MYT1L: variants seen among roughly 807,000 people sequenced by gnomAD.
MYT1L encodes the protein myelin transcription factor 1 like, also known as myelin transcription factor 1-like protein.
A neutral mutation model predicts 126.7 loss-of-function variants in MYT1L; 12 were observed. That is an observed-to-expected ratio of 0.09 (90% CI 0.06 to 0.15). The LOEUF is 0.15. Ranked by LOEUF, MYT1L falls within the 10% of genes least tolerant of loss-of-function variation. MYT1L has a pLI of 1.00. For synonymous variants in MYT1L, 541 were observed against 604.2 expected (o/e 0.90, Z 1.53); for missense variants, 979 against 1,585.2 (o/e 0.62, Z 6.49).
At chr2:2,159,610 T>A (rs2087477406) in intron 3 of MYT1L, among the ~76,000 whole-genome samples, 2 of 152,188 alleles carry the variant, frequency 1.3e-5, no homozygotes, top group South Asian at 2.1e-4. Flanking sequence ...AGGTGGCCGA[T>A]GCCAGCCTGG....
In MYT1L at chr2:1,917,380, A is replaced by C. The variant is rs750876217; in HGVS notation, c.1484-41T>G. On this transcript the variant is annotated intron_variant, in intron 10 of 24. Transcript: ENST00000647738. This position sits in a 1 kb window ranked among gnomAD's most constrained non-coding sequence, Gnocchi z 5.9. Reference sequence around the variant, plus strand: ...GGTGCCAAGAGAATAAATGTTTACCAATCAAAGACAAATGTGATTATTTCA... The same window carrying C: ...GGTGCCAAGAGAATAAATGTTTACCCATCAAAGACAAATGTGATTATTTCA... 1.3e-6 allele frequency: 2 copies of C among 1,560,890 alleles called. No homozygotes were observed. Among genetic ancestry groups the C allele is most frequent in the Non-Finnish European group, 1.7e-6 (2 of 1,148,102 alleles).
In MYT1L at chr2:2,209,398, C is replaced by A. The variant is rs901113047; in HGVS notation, c.-420-36410G>T. ...CCTTCCAACTCCCCTACCCCCTGCC[C>A]CACCACCCTTCCCAGCCTCTGGTAA... On this transcript the variant is annotated intron_variant, in intron 2 of 24. Transcript: ENST00000647738. Among the ~76,000 whole-genome samples the A allele has an allele frequency of 2.0e-5, 3 of 152,098 alleles. No homozygotes were observed. The East Asian group carries it at 5.8e-4, about 29-fold the overall frequency.
chr2:1,943,089 T>G lies in MYT1L; in HGVS notation c.398A>C (p.Glu133Ala), dbSNP rs1298795749. 6.9e-7 allele frequency: 1 copy of G among 1,459,272 alleles called. No individual in the cohort carries two copies. Among genetic ancestry groups the G allele is most frequent in the Admixed American group, 2.0e-5 (1 of 50,838 alleles). The allele number at this position is 1,459,272 out of a possible 1,614,324, so 90.4% of individuals were successfully genotyped here. The change falls in exon 9 of 25, where the codon GAG (glutamate) becomes GCG (alanine). Residue 133 changes from glutamate (E) to alanine (A), a missense_variant. Physicochemically the swap from Glu to Ala is moderately radical, Grantham distance 107. This residue lies in a region of MYT1L where 111 missense variants were observed against 115.9 expected (regional missense o/e 0.96). Coordinates refer to ENST00000647738, the MANE Select transcript of MYT1L (RefSeq NM_001303052.2). The surrounding 1 kb of genome is among the most constrained non-coding windows in gnomAD (Gnocchi z 4.4). ...EDEEGDREEEEEIEEEDEDDD... is the reference protein window; with the variant it reads ...EDEEGDREEEAEIEEEDEDDD... ...GTCCTCATCCTCCTCCTCGATCTCC[T>G]CCTCCTCCTCCCGGTCCCCCTCCTC...
In MYT1L at chr2:1,922,159, C is replaced by T; in HGVS notation, c.1483+127G>A. ...TAATCACAAAATATCCTTCTGGAATCAACTCTAAGAATGTGCAGTAGAGAC... is the reference window on the plus strand; with the variant it reads ...TAATCACAAAATATCCTTCTGGAATTAACTCTAAGAATGTGCAGTAGAGAC... On this transcript the variant is annotated intron_variant, in intron 10 of 24. Coordinates refer to ENST00000647738, the MANE Select transcript of MYT1L (RefSeq NM_001303052.2). The surrounding 1 kb of genome is among the most constrained non-coding windows in gnomAD (Gnocchi z 7.4). 2.4e-6 allele frequency: 3 copies of T among 1,233,948 alleles called. No homozygotes were observed. The highest frequency in any genetic ancestry group is 1.6e-5 in the South Asian group (1 of 61,954). The allele number at this position is 1,233,948 out of a possible 1,614,324, so 76.4% of individuals were successfully genotyped here.
rs2095988178 is a variant in MYT1L at position 2,312,431 on chromosome 2, T to C, written c.-521+18536A>G. 3.9e-5 allele frequency among the ~76,000 whole-genome samples: 6 copies of C among 151,928 alleles called. No individual in the cohort carries two copies. The South Asian group carries it at 1.0e-3, about 26-fold the overall frequency. On this transcript the variant is annotated intron_variant, in intron 1 of 24. Transcript: ENST00000647738. ...TTCAAGACCAGCCTGGGCAACATGG[T>C]GAAACCCCATCTCTATAAAAAAAAT...
chr2:2,137,803 C>A (rs2083285351), intron 3 of MYT1L, among the ~76,000 whole-genome samples: 1 of 151,820 alleles, frequency 6.6e-6, no homozygotes, highest in South Asian at 2.1e-4. Context: ...TCTGAAACAC[C>A]AAAAGCAATG....
chr2:2,045,595 G>T (rs1472866574), intron 4 of MYT1L, among the ~76,000 whole-genome samples: 1 of 152,204 alleles, frequency 6.6e-6, no homozygotes, highest in Non-Finnish European at 1.5e-5. Flanking sequence ...TCTTAAGAGA[G>T]CATGCAAAGC....
At chr2:2,257,966 G>A (rs1332792935) in intron 2 of MYT1L, among the ~76,000 whole-genome samples, 5 of 132,824 alleles carry the variant, frequency 3.8e-5, no homozygotes, top group African/African-American at 1.6e-4. Context: ...CAAAGCTGGA[G>A]GCATCACACT....
chr2:1,950,321 C>A (rs1341423191), intron 8 of MYT1L, among the ~76,000 whole-genome samples: 1 of 152,132 alleles, frequency 6.6e-6, no homozygotes, highest in Admixed American at 6.5e-5. Flanking sequence ...ATGCCTGTTA[C>A]ATAGTAAGAA....
intron 21 of MYT1L, among the ~76,000 whole-genome samples, chr2:1,837,905 T>TTTTG (rs1420063177): frequency 6.7e-6 from 1 of 149,920 alleles, no homozygotes; most frequent in South Asian, 2.1e-4. Flanking sequence ...TTTTTTTGTC[T>TTTTG]TTTGTTTGTT....
intron 3 of MYT1L, among the ~76,000 whole-genome samples, chr2:2,142,644 T>C (rs2084180128): frequency 6.6e-6 from 1 of 152,138 alleles, no homozygotes; most frequent in African/African-American, 2.4e-5. Flanking sequence ...TCCCACTGCC[T>C]TGTGAGCTGA....
At chr2:2,209,027 C>A (rs1474300307) in intron 2 of MYT1L, among the ~76,000 whole-genome samples, 1 of 151,684 alleles carries the variant, frequency 6.6e-6, no homozygotes. Flanking sequence ...CACACACACC[C>A]CAAATAGATT....
chr2:2,325,965 G>T (rs560757368), intron 1 of MYT1L: 1 of 152,368 alleles, frequency 6.6e-6, no homozygotes, highest in South Asian at 2.1e-4. Context: ...AGAACTGGGA[G>T]CTGCAACCAC....
At chr2:2,132,446 G>A (rs896430743) in intron 3 of MYT1L, among the ~76,000 whole-genome samples, 11 of 151,846 alleles carry the variant, frequency 7.2e-5, no homozygotes, top group Admixed American at 1.3e-4. Context: ...GATGAAGCTG[G>A]AAACCATCAC....
intron 1 of MYT1L, among the ~76,000 whole-genome samples, chr2:2,289,940 GGAA>G (rs1484453013): frequency 1.3e-5 from 2 of 152,236 alleles, no homozygotes; most frequent in Non-Finnish European, 2.9e-5. Context: ...CCCAGGAGAT[GGAA>G]GAAGGAGAGG....
rs180836304 is a variant in MYT1L, at chr2:2,024,919, C to T, written c.-157-27572G>A. On this transcript the variant is annotated intron_variant, in intron 4 of 24. Coordinates refer to ENST00000647738, the MANE Select transcript of MYT1L (RefSeq NM_001303052.2). ...CTTAGCTCTGACTTAGCTCCCACCG[C>T]GTGGACGCGTTCCGCCTGTCCCACC... Among the ~76,000 whole-genome samples the T allele has an allele frequency of 4.8e-3, 733 of 152,380 alleles. 6 individuals are homozygous for T. Among genetic ancestry groups the T allele is most frequent in the Non-Finnish European group, 6.6e-3 (451 of 68,030 alleles).
rs139190749 is a variant in MYT1L at position 1,837,206 on chromosome 2, T to C, written c.3080+1943A>G. ...GAGGGAACAGCATTCATCTGGCACC[T>C]GGTATTTGCTGCTTAAATCAAAGGG... On this transcript the variant is annotated intron_variant, in intron 21 of 24. Coordinates refer to ENST00000647738, the MANE Select transcript of MYT1L (RefSeq NM_001303052.2). 1.6e-3 allele frequency among the ~76,000 whole-genome samples: 243 copies of C among 152,246 alleles called. 2 individuals are homozygous for C. Among genetic ancestry groups the C allele is most frequent in the African/African-American group, 5.5e-3 (228 of 41,540 alleles).
chr2:2,030,594 G>A (rs1367357935), intron 4 of MYT1L, among the ~76,000 whole-genome samples: 2 of 152,160 alleles, frequency 1.3e-5, no homozygotes, highest in African/African-American at 4.8e-5. Context: ...ATTTAAACAT[G>A]TCAATTTTAG....
intron 9 of MYT1L, among the ~76,000 whole-genome samples, chr2:1,937,244 T>C (rs894343662): frequency 6.6e-6 from 1 of 152,186 alleles, no homozygotes; most frequent in African/African-American, 2.4e-5. Flanking sequence ...GCGGCCTCCA[T>C]GCCTTGCCCA....
Sources: gnomAD v4.1 joint callset for allele counts (sites outside exome capture counted in the v4.1 genomes callset) on GRCh38, gnomAD v4.1.1 for gene constraint, gnomAD v4.1.1 regional missense constraint, Gnocchi (gnomAD v3.1) non-coding constraint, MANE v1.5 for transcripts, NCBI Gene and HGNC (gene_info 2026-07-23, HGNC 2026-07-21) for gene names.